ADGRL4: variants seen among roughly 807,000 people sequenced by gnomAD.
The protein encoded by ADGRL4 is EGF, latrophilin and seven transmembrane domain containing 1.
ADGRL4 carries 90 observed loss-of-function variants against 74.8 expected under a neutral mutation model. The ratio of observed to expected loss-of-function variants is 1.20; its 90% CI spans 1.02 to 1.43. The LOEUF is 1.43. Among genes scored for constraint, ADGRL4 ranks in the 40% most tolerant of loss-of-function variants. The pLI is 0.00. For synonymous variants in ADGRL4, 311 were observed against 279.2 expected (o/e 1.11, Z -1.14); for missense variants, 881 against 814.3 (o/e 1.08, Z -1.00).
intron 8 of ADGRL4, among the ~76,000 whole-genome samples, chr1:78,923,551 G>A (rs1001833254): frequency 2.0e-5 from 3 of 151,838 alleles, no homozygotes; most frequent in Non-Finnish European, 2.9e-5. Flanking sequence ...CTGAGGACAA[G>A]CTCCAACAGC....
chr1:78,921,595 A>T lies in ADGRL4; in HGVS notation c.1257+18T>A. ...GAAAAAGCAACATTTATAAATATGA[A>T]GGGGAAAATTATCTTACAATGGAAG... On this transcript the variant is annotated intron_variant, in intron 9 of 14. Coordinates refer to ENST00000370742, the MANE Select transcript of ADGRL4 (RefSeq NM_022159.4). 1 of 1,373,758 alleles carries T rather than the reference A, an allele frequency of 7.3e-7. No individual in the cohort carries two copies. The highest frequency in any genetic ancestry group is 9.6e-7 in the Non-Finnish European group (1 of 1,045,754). The allele number at this position is 1,373,758 out of a possible 1,614,324, so 85.1% of individuals were successfully genotyped here. A position where few individuals can be genotyped will look rare whatever the true frequency, so the allele number is the denominator to read the frequency against.
intron 2 of ADGRL4, among the ~76,000 whole-genome samples, chr1:78,963,291 GT>G (rs1649990557): frequency 1.3e-5 from 2 of 152,138 alleles, no homozygotes; most frequent in Admixed American, 1.3e-4. Flanking sequence ...GGCTATGCAT[GT>G]ATAATAGGTA....
intron 2 of ADGRL4, among the ~76,000 whole-genome samples, chr1:78,979,115 TGA>T: frequency 6.6e-6 from 1 of 151,940 alleles, no homozygotes; most frequent in Non-Finnish European, 1.5e-5. Context: ...CCTAACAAAG[TGA>T]GTCTAAGATT....
chr1:79,002,711 G>C (rs1249508153), intron 2 of ADGRL4, among the ~76,000 whole-genome samples: 1 of 152,098 alleles, frequency 6.6e-6, no homozygotes, highest in Admixed American at 6.5e-5. Flanking sequence ...TAATCAATAT[G>C]CTTGACTATA....
intron 2 of ADGRL4, among the ~76,000 whole-genome samples, chr1:78,977,140 T>C (rs1474560165): frequency 6.6e-6 from 1 of 151,758 alleles, no homozygotes; most frequent in Non-Finnish European, 1.5e-5. Context: ...AAACACAATA[T>C]AATTCACTAT....
At chr1:79,005,462 C>T (rs1650939076) in intron 1 of ADGRL4, among the ~76,000 whole-genome samples, 1 of 152,050 alleles carries the variant, frequency 6.6e-6, no homozygotes, top group Admixed American at 6.5e-5. Flanking sequence ...CTCAATGAAA[C>T]TAAAATGTAA....
intron 2 of ADGRL4, among the ~76,000 whole-genome samples, chr1:78,997,378 T>C (rs1650739127): frequency 6.6e-6 from 1 of 152,140 alleles, no homozygotes; most frequent in Non-Finnish European, 1.5e-5. Flanking sequence ...CTCAATCTTA[T>C]GGTGGTTTTT....
intron 2 of ADGRL4, among the ~76,000 whole-genome samples, chr1:78,999,788 ATATC>A (rs67005634): frequency 0.18 from 24,803 of 141,572 alleles, 2,274 homozygotes; most frequent in Admixed American, 0.22. Flanking sequence ...ATCTATAGTT[ATATC>A]TATCTATCTA....
intron 12 of ADGRL4, among the ~76,000 whole-genome samples, chr1:78,898,458 A>G (rs945976424): frequency 6.6e-6 from 1 of 152,108 alleles, no homozygotes; most frequent in East Asian, 1.9e-4. Context: ...AAAAAGCACC[A>G]GGGATAACTA....
At chr1:78,997,152 G>A (rs115050300) in intron 2 of ADGRL4, among the ~76,000 whole-genome samples, 5,406 of 148,626 alleles carry the variant, frequency 0.036, 106 homozygotes, top group South Asian at 0.056. Context: ...TATAAAAAAA[G>A]GTCTGGACCT....
In ADGRL4 at chr1:78,926,880, G is replaced by T. The variant is rs1161104320; in HGVS notation, c.1083+6C>A. 1.2e-6 allele frequency: 2 copies of T among 1,604,844 alleles called. No individual in the cohort carries two copies. The highest frequency in any genetic ancestry group is 1.7e-6 in the Non-Finnish European group (2 of 1,173,010). ...ATAGCCAATAACTACCAGAAAAACA[G>T]CTTACCTTTCGATGACTTAATGTAA... On this transcript the variant is annotated splice_donor_region_variant and intron_variant, in intron 8 of 14. Coordinates refer to ENST00000370742, the MANE Select transcript of ADGRL4 (RefSeq NM_022159.4).
intron 2 of ADGRL4, among the ~76,000 whole-genome samples, chr1:78,976,430 A>C (rs746048593): frequency 5.3e-5 from 8 of 151,926 alleles, no homozygotes; most frequent in Non-Finnish European, 1.2e-4. Flanking sequence ...TGAAATATTA[A>C]GAAAACAAAA....
chr1:78,976,202 A>C (rs1650277097), intron 2 of ADGRL4, among the ~76,000 whole-genome samples: 2 of 151,926 alleles, frequency 1.3e-5, no homozygotes, highest in South Asian at 4.1e-4. Context: ...ATAACTGCAG[A>C]GGTCCCCTTG....
chr1:78,932,066 G>A lies in ADGRL4; in HGVS notation c.877+4229C>T, dbSNP rs564085638. The stretch of plus-strand genomic sequence containing the variant: ...ATAATCAGGACTAGAACTCAGTTCC[G>A]GATGAAGTGGACCTAATAAACATTT... On this transcript the variant is annotated intron_variant, in intron 7 of 14. Coordinates refer to ENST00000370742, the MANE Select transcript of ADGRL4 (RefSeq NM_022159.4). 8.6e-5 allele frequency among the ~76,000 whole-genome samples: 13 copies of A among 151,482 alleles called. No homozygotes were observed. The South Asian group carries it at 1.0e-3, about 12-fold the overall frequency.
intron 2 of ADGRL4, among the ~76,000 whole-genome samples, chr1:78,962,510 G>A (rs113805915): frequency 2.6e-5 from 4 of 151,942 alleles, no homozygotes; most frequent in South Asian, 2.1e-4. Flanking sequence ...TCCTCCTGCC[G>A]ACCCAGGTTG....
chr1:78,902,527 C>T (rs1481523629), intron 12 of ADGRL4, among the ~76,000 whole-genome samples: 1 of 152,068 alleles, frequency 6.6e-6, no homozygotes, highest in African/African-American at 2.4e-5. Flanking sequence ...AATATTCATA[C>T]CTAGTAGACA....
At chr1:78,906,112 T>C (rs1648629212) in intron 12 of ADGRL4, among the ~76,000 whole-genome samples, 3 of 152,144 alleles carry the variant, frequency 2.0e-5, no homozygotes, top group South Asian at 4.1e-4. Flanking sequence ...GGTTTTATGA[T>C]ATAAATTCAT....
chr1:78,934,449 C>T (rs1315881737), intron 7 of ADGRL4, among the ~76,000 whole-genome samples: 1 of 152,082 alleles, frequency 6.6e-6, no homozygotes, highest in African/African-American at 2.4e-5. Flanking sequence ...CCATAAAACT[C>T]CTAGAAGAAA....
At chr1:78,927,577 A>G (rs1216027410) in intron 7 of ADGRL4, among the ~76,000 whole-genome samples, 2 of 152,100 alleles carry the variant, frequency 1.3e-5, no homozygotes, top group Admixed American at 6.6e-5. Context: ...AATGGTTTCT[A>G]TTTAATATTG....
Sources: allele counts gnomAD v4.1 joint callset (sites outside exome capture counted in the v4.1 genomes callset), GRCh38; gene constraint gnomAD v4.1.1; transcripts MANE v1.5; gene names NCBI Gene and HGNC (gene_info 2026-07-23, HGNC 2026-07-21).